The following USP24 variants were observed in gnomAD, a reference collection of about 807,000 sequenced individuals.
The protein encoded by USP24 is ubiquitin specific peptidase 24.
In USP24, 97 loss-of-function variants were observed where a neutral mutation model predicts 361.6. The ratio of observed to expected loss-of-function variants is 0.27; its 90% CI spans 0.23 to 0.32. The LOEUF is 0.32. Ranked by LOEUF, USP24 falls within the 10% of genes least tolerant of loss-of-function variation. The probability of loss-of-function intolerance (pLI) is 1.00; values close to 1 mark genes in which losing one functional copy is unlikely to be tolerated. For missense variants in USP24, 2,353 were observed against 3,165.6 expected, an observed-to-expected ratio of 0.74 and a Z score of 6.16; for synonymous variants, 1,098 against 1,124.6, an observed-to-expected ratio of 0.98 and a Z score of 0.47.
intron 5 of USP24, 150 bp from the exon 6 acceptor site, chr1:55,166,753 G>C (rs966440977): frequency 1.8e-5 from 13 of 740,508 alleles, no homozygotes; most frequent in African/African-American, 1.6e-4. Flanking sequence ...CGCTTCCTAA[G>C]ATGTCTTTAA....
chr1:55,109,269 G>A (rs1337507865), intron 39 of USP24, among the ~76,000 whole-genome samples: 3 of 152,186 alleles, frequency 2.0e-5, no homozygotes, highest in East Asian at 1.9e-4. Flanking sequence ...AAGCCACTGC[G>A]CCTGGCCACC....
At chr1:55,197,647 G>A (rs1342780496) in intron 1 of USP24, among the ~76,000 whole-genome samples, 3 of 152,170 alleles carry the variant, frequency 2.0e-5, no homozygotes, top group South Asian at 2.1e-4. Flanking sequence ...CCTAATAAGA[G>A]TGTGTTACTC....
At chr1:55,152,059 G>T in intron 16 of USP24, 1 of 902,020 alleles carries the variant, frequency 1.1e-6, no homozygotes, top group Non-Finnish European at 1.3e-6. Context: ...TATCCAGGGG[G>T]CTTTGATCTT....
chr1:55,091,707 T>C (rs907482581), intron 54 of USP24, among the ~76,000 whole-genome samples: 7 of 152,176 alleles, frequency 4.6e-5, no homozygotes. Flanking sequence ...TGTTTCTCTG[T>C]TTTGCCTTTC....
At chr1:55,134,010 G>A (rs77519796) in intron 30 of USP24, 60 bp downstream of exon 30, 128 of 1,391,144 alleles carry the variant, frequency 9.2e-5, no homozygotes, top group South Asian at 7.7e-4. Context: ...ATTTCAGGTT[G>A]TATTTTCACT....
chr1:55,205,273 C>T (rs1644676907), intron 1 of USP24, among the ~76,000 whole-genome samples: 2 of 152,272 alleles, frequency 1.3e-5, no homozygotes, highest in Non-Finnish European at 1.5e-5. Flanking sequence ...AAAATACACA[C>T]TGGAGTCATA....
intron 58 of USP24, among the ~76,000 whole-genome samples, chr1:55,082,632 C>T (rs1435760862): frequency 6.6e-6 from 1 of 152,054 alleles, no homozygotes; most frequent in African/African-American, 2.4e-5. Context: ...ATACAAAATA[C>T]AAAGTTAGCC....
chr1:55,139,115 G>C (rs1191572698), intron 24 of USP24, 105 bp from the exon 25 acceptor site: 1 of 992,740 alleles, frequency 1.0e-6, no homozygotes, highest in African/African-American at 1.6e-5. Flanking sequence ...AGCACTCACT[G>C]GTCAAAGACT....
intron 16 of USP24, among the ~76,000 whole-genome samples, chr1:55,152,343 T>C (rs1211817846): frequency 1.3e-5 from 2 of 152,192 alleles, no homozygotes; most frequent in Admixed American, 6.5e-5. Flanking sequence ...GCAATAAAGA[T>C]GCAGTGATGC....
chr1:55,206,247 A>T (rs896920958), intron 1 of USP24, among the ~76,000 whole-genome samples: 2 of 152,244 alleles, frequency 1.3e-5, no homozygotes, highest in African/African-American at 2.4e-5. Flanking sequence ...CCTAATGGGA[A>T]TTATCAATAC....
At chr1:55,153,354 A>C (rs1048269002) in intron 16 of USP24, among the ~76,000 whole-genome samples, 4 of 152,204 alleles carry the variant, frequency 2.6e-5, no homozygotes, top group Non-Finnish European at 5.9e-5. Context: ...CCTACCTTCT[A>C]AAATGAAGCC....
At chr1:55,143,775 G>C (rs879475741) in intron 21 of USP24, among the ~76,000 whole-genome samples, 2 of 151,948 alleles carry the variant, frequency 1.3e-5, no homozygotes, top group Admixed American at 1.3e-4. Context: ...TGCTTTTTTA[G>C]GTACATGTGA....
intron 44 of USP24, 78 bp from the exon 45 acceptor site, chr1:55,099,947 A>C: frequency 9.8e-7 from 1 of 1,019,036 alleles, no homozygotes; most frequent in Non-Finnish European, 1.4e-6. Context: ...ATGAAAGAGC[A>C]CTTAAATGCT....
chr1:55,150,925 C>T (rs146626667), intron 16 of USP24, among the ~76,000 whole-genome samples: 1,814 of 152,312 alleles, frequency 0.012, 39 homozygotes, highest in African/African-American at 0.042. Context: ...TTGGACTCAA[C>T]ATTAGATGAA....
intron 54 of USP24, 75 bp from the exon 55 acceptor site, chr1:55,089,815 G>T: frequency 2.0e-6 from 2 of 988,722 alleles, no homozygotes; most frequent in Non-Finnish European, 3.0e-6. Context: ...CACTCTTGTT[G>T]GTTCTTATCC....
chr1:55,086,320 G>A (rs1280241036), intron 55 of USP24: 1 of 436,754 alleles, frequency 2.3e-6, no homozygotes, highest in Non-Finnish European at 4.2e-6. Flanking sequence ...ATAATGTTCA[G>A]CTCTAGAGGT....
intron 5 of USP24, among the ~76,000 whole-genome samples, chr1:55,170,077 G>C (rs1649296072): frequency 6.6e-6 from 1 of 152,144 alleles, no homozygotes; most frequent in Non-Finnish European, 1.5e-5. Context: ...TGGTTGGGAA[G>C]GGGAGCAGAG....
intron 21 of USP24, among the ~76,000 whole-genome samples, chr1:55,143,516 T>C (rs1328149371): frequency 6.6e-6 from 1 of 152,164 alleles, no homozygotes; most frequent in Admixed American, 6.6e-5. Context: ...AATCTGGTCT[T>C]TCTAAAGCTC....
Position 55,141,730 on chromosome 1 carries a change from G to A in USP24, c.2636C>T (p.Ala879Val), listed in dbSNP as rs1374802889. 2 of 1,600,452 alleles carry A rather than the reference G, an allele frequency of 1.2e-6. No homozygotes were observed. The highest frequency in any genetic ancestry group is 1.7e-6 in the Non-Finnish European group (2 of 1,172,800). Residue 879 changes from alanine to valine, a missense_variant and splice_region_variant, in exon 24 of 68, where the codon GCA becomes GTA. By Grantham distance (64) the Ala-to-Val change is moderately conservative. Coordinates refer to ENST00000294383, the MANE Select transcript of USP24 (RefSeq NM_015306.3). ...FIADCYTRLE[A>V]ASSALGGPTL... ...GGGGCCACCAAGTGCTGAACTGGCT[G>A]CCTAAAAAATACCAAACAGTCATTC...
Sources: allele counts gnomAD v4.1 joint callset (sites outside exome capture counted in the v4.1 genomes callset), GRCh38; gene constraint gnomAD v4.1.1; transcripts MANE v1.5; gene names NCBI Gene and HGNC (gene_info 2026-07-23, HGNC 2026-07-21).